The following ZNF599 variants were observed in gnomAD, a reference collection of about 807,000 sequenced individuals.
ZNF599 encodes the protein zinc finger protein 599.
ZNF599 carries 10 observed loss-of-function variants against 11.7 expected under a neutral mutation model. That is an observed-to-expected ratio of 0.86 (90% confidence interval 0.53 to 1.45). The LOEUF is 1.45. Ranked by LOEUF, ZNF599 falls within the 40% of genes most tolerant of loss-of-function variation. ZNF599 has a pLI of 0.00. For missense variants in ZNF599, 688 were observed against 713.6 expected (o/e 0.96, Z 0.41); for synonymous variants, 232 against 253.2 (o/e 0.92, Z 0.79).
chr19:34,797,068 G>T, the ZNF599 span, among the ~76,000 whole-genome samples: 2 of 151,570 alleles, frequency 1.3e-5, no homozygotes, highest in Middle Eastern at 3.4e-3. Flanking sequence ...GCAGTGTTTG[G>T]TTTTTTGTCC....
the ZNF599 span, among the ~76,000 whole-genome samples, chr19:34,803,361 T>C: frequency 2.0e-5 from 3 of 152,156 alleles, no homozygotes; most frequent in African/African-American, 7.2e-5. Context: ...GTCTCACCCA[T>C]TGAGGCCATC....
At position 34,759,699 on chromosome 19, in the gene ZNF599, A is replaced by C. The variant is rs757185895; in HGVS notation, c.1102T>G (p.Leu368Val). ...AAGGTTTTTCCACATTCTTTACATAAAAATGGTTTTTCTCCTGTGTGGGTC... is the reference window on the plus strand; with the variant it reads ...AAGGTTTTTCCACATTCTTTACATACAAATGGTTTTTCTCCTGTGTGGGTC... ...NVTHTGEKPF[L>V]CKECGKTFCL... Residue 368 changes from leucine to valine, a missense_variant, in exon 4 of 4, where the codon TTA becomes GTA. Physicochemically the swap from Leu to Val is conservative, Grantham distance 32 (BLOSUM62 1). Coordinates refer to ENST00000329285, the MANE Select transcript of ZNF599 (RefSeq NM_001007248.3). The C allele has an allele frequency of 3.7e-6, 6 of 1,613,734 alleles. No homozygotes were observed. In the African/African-American group the frequency reaches 8.0e-5, roughly 22 times the overall value.
chr19:34,784,519 G>A, the ZNF599 span, among the ~76,000 whole-genome samples: 1 of 152,110 alleles, frequency 6.6e-6, no homozygotes, highest in Non-Finnish European at 1.5e-5. Context: ...CGATTTGAAG[G>A]CCTCCCAACA....
At chr19:34,777,212 T>A (rs1048511812), upstream of ZNF599, among the ~76,000 whole-genome samples, 3 of 142,240 alleles carry the variant, frequency 2.1e-5, no homozygotes, top group Admixed American at 1.5e-4. Flanking sequence ...GATCAATTTT[T>A]AAAATATTTG....
the ZNF599 span, among the ~76,000 whole-genome samples, chr19:34,792,351 G>T: frequency 6.6e-6 from 1 of 152,194 alleles, no homozygotes; most frequent in South Asian, 2.1e-4. Context: ...ATGAAGCATG[G>T]ACATGAGCAG....
the ZNF599 span, among the ~76,000 whole-genome samples, chr19:34,791,198 GCT>G: frequency 6.6e-6 from 1 of 152,242 alleles, no homozygotes; most frequent in Admixed American, 6.5e-5. Flanking sequence ...CCACCTCCTG[GCT>G]CTGAGAATCC....
Position 34,758,917 on chromosome 19 carries a change from T to C in ZNF599, c.*117A>G. 9.8e-7 allele frequency: 1 copy of C among 1,023,642 alleles called. No individual in the cohort carries two copies. 63.4% of individuals were successfully genotyped at this position (1,023,642 alleles called of 1,614,324 possible). The stretch of plus-strand genomic sequence containing the variant: ...CTAGTTAGTATAAATTATCAGATAC[T>C]AAGACATCTCTCTGGCCAAAATATT... On this transcript the variant is annotated 3_prime_UTR_variant, in exon 4 of 4. Transcript: ENST00000329285.
At chr19:34,761,529 T>C (rs187157652) in intron 3 of ZNF599, among the ~76,000 whole-genome samples, 17 of 152,320 alleles carry the variant, frequency 1.1e-4, no homozygotes, top group African/African-American at 4.1e-4. Flanking sequence ...CTATGAGGAC[T>C]TAGTATTATG....
chr19:34,772,256 A>G (rs536457240), intron 1 of ZNF599: 502 of 925,200 alleles, frequency 5.4e-4, no homozygotes, highest in Middle Eastern at 1.1e-3. Flanking sequence ...ATTTGTAATA[A>G]ACAGACGGCA....
At position 34,759,519 on chromosome 19, in the gene ZNF599, A is replaced by T; in HGVS notation, c.1282T>A (p.Cys428Ser). 1 of 1,614,080 alleles carries T rather than the reference A, an allele frequency of 6.2e-7. No individual in the cohort carries two copies. Among genetic ancestry groups the T allele is most frequent in the Non-Finnish European group, 8.5e-7 (1 of 1,179,982 alleles). ...GAGCTGTCACAAAAGGCCTTCCCAC[A>T]TTCTTTGCACTCAAAGGGCTTCTCT... ...TGEKPFECKECGKAFCDSSSL... is the reference protein window; with the variant it reads ...TGEKPFECKESGKAFCDSSSL... Residue 428 changes from cysteine (C) to serine (S), a missense_variant, in exon 4 of 4, where the codon TGT (cysteine) becomes AGT (serine). Coordinates refer to ENST00000329285, the MANE Select transcript of ZNF599 (RefSeq NM_001007248.3).
At chr19:34,800,667 C>T in the ZNF599 span, among the ~76,000 whole-genome samples, 7 of 143,052 alleles carry the variant, frequency 4.9e-5, no homozygotes, top group Non-Finnish European at 9.0e-5. Flanking sequence ...ATGATCTCGG[C>T]TCACTGCAAC....
upstream of ZNF599, chr19:34,773,259 C>T (rs908154303): frequency 4.0e-5 from 8 of 197,790 alleles, no homozygotes; most frequent in Admixed American, 2.4e-4. Context: ...TCTGCGCCTT[C>T]CGTCTATGGC....
At position 34,773,003 on chromosome 19, in the gene ZNF599, A is replaced by G; in HGVS notation, c.-162T>C. On this transcript the variant is annotated 5_prime_UTR_variant, in exon 1 of 4. Coordinates refer to ENST00000329285, the MANE Select transcript of ZNF599 (RefSeq NM_001007248.3). Reference sequence around the variant, plus strand: ...GGCGCCGCCTCTGCGCGCCGTGAGGACACAGGGCTGTCGCCAAGGCCCCAG... The same window carrying G: ...GGCGCCGCCTCTGCGCGCCGTGAGGGCACAGGGCTGTCGCCAAGGCCCCAG... 3 of 833,956 alleles carry G rather than the reference A, an allele frequency of 3.6e-6. No homozygotes were observed. Among genetic ancestry groups the G allele is most frequent in the Non-Finnish European group, 5.2e-6 (3 of 573,922 alleles). 51.7% of individuals were successfully genotyped at this position (833,956 alleles called of 1,614,324 possible).
At chr19:34,801,267 C>T in the ZNF599 span, among the ~76,000 whole-genome samples, 9 of 152,232 alleles carry the variant, frequency 5.9e-5, no homozygotes, top group African/African-American at 2.2e-4. Context: ...TTTAATCCAT[C>T]CCTGAAGATA....
intron 3 of ZNF599, among the ~76,000 whole-genome samples, chr19:34,761,355 A>G (rs1327860567): frequency 6.6e-6 from 1 of 152,272 alleles, no homozygotes; most frequent in Non-Finnish European, 1.5e-5. Flanking sequence ...ATTAATCAAT[A>G]TAAAGTTATC....
At chr19:34,798,418 A>G in the ZNF599 span, among the ~76,000 whole-genome samples, 1 of 152,148 alleles carries the variant, frequency 6.6e-6, no homozygotes, top group Admixed American at 6.5e-5. Context: ...TCCAACTCTA[A>G]TCTGGTACCA....
In ZNF599 at chr19:34,759,259, C is replaced by A; in HGVS notation, c.1542G>T (p.Lys514Asn). The A allele has an allele frequency of 6.2e-7, 1 of 1,614,186 alleles. No homozygotes were observed. The highest frequency in any genetic ancestry group is 1.7e-5 in the Admixed American group (1 of 60,024). ...EKPYVCRECG[K>N]AFTQPANFVR... Reference sequence around the variant, plus strand: ...CAAAATTTGCAGGTTGGGTAAAAGCCTTTCCACATTCTCTACAAACATAGG... The same window carrying A: ...CAAAATTTGCAGGTTGGGTAAAAGCATTTCCACATTCTCTACAAACATAGG... The change falls in exon 4 of 4, where the codon AAG (lysine) becomes AAT (asparagine). Residue 514 changes from lysine to asparagine, a missense_variant. Lys to Asn is a moderately conservative substitution (Grantham distance 94). Coordinates refer to ENST00000329285, the MANE Select transcript of ZNF599 (RefSeq NM_001007248.3).
the ZNF599 span, among the ~76,000 whole-genome samples, chr19:34,779,243 C>CTTTTTTTTTTTTTT: frequency 1.7e-5 from 1 of 57,310 alleles, no homozygotes; most frequent in African/African-American, 7.2e-5. Context: ...CCATGCCCAG[C>CTTTTTTTTTTTTTT]TTTTTTTTTT....
chr19:34,800,596 T>TC, the ZNF599 span, among the ~76,000 whole-genome samples: 191 of 147,450 alleles, frequency 1.3e-3, no homozygotes, highest in African/African-American at 4.4e-3. Flanking sequence ...GTTTTTTTTT[T>TC]TTTTTTTTTC....
Sources: gnomAD v4.1 joint callset for allele counts (sites outside exome capture counted in the v4.1 genomes callset) on GRCh38, gnomAD v4.1.1 for gene constraint, MANE v1.5 for transcripts, NCBI Gene and HGNC (gene_info 2026-07-23, HGNC 2026-07-21) for gene names.